The following CDK14 variants were observed in gnomAD, a reference collection of about 807,000 sequenced individuals.
The protein encoded by CDK14 is cyclin-dependent kinase 14.
CDK14 carries 34 observed loss-of-function variants against 60.7 expected under a neutral mutation model. The observed-to-expected ratio is 0.56, with a 90% CI of 0.43 to 0.75. CDK14 has a LOEUF of 0.75. Ranked by LOEUF, CDK14 falls within the 30% of genes least tolerant of loss-of-function variation. The pLI is 0.00. For synonymous variants in CDK14, 197 were observed against 203.7 expected (o/e 0.97, Z 0.28); for missense variants, 482 against 564.1 (o/e 0.85, Z 1.47).
chr7:91,058,149 T>C (rs1797648425), intron 11 of CDK14, among the ~76,000 whole-genome samples: 1 of 152,158 alleles, frequency 6.6e-6, no homozygotes, highest in Non-Finnish European at 1.5e-5. Context: ...TTCCTAGATA[T>C]TTTATTCTCT....
intron 2 of CDK14, among the ~76,000 whole-genome samples, chr7:90,647,789 G>C (rs542144886): frequency 6.6e-6 from 1 of 152,222 alleles, no homozygotes; most frequent in South Asian, 2.1e-4. Flanking sequence ...CCAGGAGTTC[G>C]AGGCTGCAGT....
chr7:91,158,199 A>G (rs985362176), intron 14 of CDK14, among the ~76,000 whole-genome samples: 6 of 148,554 alleles, frequency 4.0e-5, no homozygotes, highest in African/African-American at 1.5e-4. Context: ...TATATATAAT[A>G]TATTATATGT....
chr7:91,130,665 C>A (rs1253640729), intron 14 of CDK14, among the ~76,000 whole-genome samples: 3 of 152,018 alleles, frequency 2.0e-5, no homozygotes, highest in Non-Finnish European at 4.4e-5. Context: ...AGATAAAAAT[C>A]CCTATTCTTG....
chr7:90,849,953 T>A (rs1444197763), intron 5 of CDK14, among the ~76,000 whole-genome samples: 1 of 152,068 alleles, frequency 6.6e-6, no homozygotes, highest in African/African-American at 2.4e-5. Context: ...TAAATGATAC[T>A]TTCAAAGCAA....
chr7:90,684,974 G>C (rs1038602087), intron 2 of CDK14, among the ~76,000 whole-genome samples: 4 of 144,734 alleles, frequency 2.8e-5, no homozygotes, highest in African/African-American at 1.0e-4. Flanking sequence ...ATATGTATAT[G>C]TTTTTATGCA....
At chr7:90,623,100 TTTTA>T (rs1468252333) in intron 2 of CDK14, among the ~76,000 whole-genome samples, 4 of 151,570 alleles carry the variant, frequency 2.6e-5, no homozygotes, top group East Asian at 1.9e-4. Context: ...TAAAAATTCT[TTTTA>T]TTTATTTTAA....
intron 9 of CDK14, among the ~76,000 whole-genome samples, chr7:90,974,692 CATTT>C (rs1278175796): frequency 1.3e-5 from 2 of 151,972 alleles, no homozygotes; most frequent in African/African-American, 4.8e-5. Flanking sequence ...AGTTAATTAC[CATTT>C]AGTTAACAAT....
At chr7:90,622,402 T>C (rs1799790330) in intron 2 of CDK14, among the ~76,000 whole-genome samples, 1 of 152,228 alleles carries the variant, frequency 6.6e-6, no homozygotes, top group Non-Finnish European at 1.5e-5. Flanking sequence ...GAGTTTTCTG[T>C]ACTTTTCTTG....
At chr7:90,668,696 A>AT (rs1554431005) in intron 2 of CDK14, among the ~76,000 whole-genome samples, 11 of 68,426 alleles carry the variant, frequency 1.6e-4, no homozygotes, top group Admixed American at 1.3e-3. Context: ...AAGGACTCGC[A>AT]TTCTTTTTTT....
At chr7:90,691,283 G>T (rs1383050486) in intron 2 of CDK14, among the ~76,000 whole-genome samples, 1 of 147,872 alleles carries the variant, frequency 6.8e-6, no homozygotes, top group Admixed American at 6.9e-5. Flanking sequence ...AAATTTGTTT[G>T]TATGAGGGTG....
chr7:90,890,202 G>A (rs111679102), intron 6 of CDK14, among the ~76,000 whole-genome samples: 4 of 152,280 alleles, frequency 2.6e-5, no homozygotes, highest in Admixed American at 1.3e-4. Flanking sequence ...GTGAGAGTCC[G>A]TTTCTGTAAA....
At chr7:91,185,788 G>T (rs1302836308) in intron 14 of CDK14, among the ~76,000 whole-genome samples, 1 of 151,598 alleles carries the variant, frequency 6.6e-6, no homozygotes, top group East Asian at 1.9e-4. Context: ...AGCAGTTCGG[G>T]GGTTTTTAGT....
At chr7:91,031,572 T>C (rs555145052) in intron 10 of CDK14, among the ~76,000 whole-genome samples, 5 of 152,136 alleles carry the variant, frequency 3.3e-5, no homozygotes, top group Admixed American at 2.0e-4. Context: ...TTACTTCACT[T>C]GGGGGAGGTC....
chr7:91,196,444 G>A (rs1357546211), intron 14 of CDK14, among the ~76,000 whole-genome samples: 4 of 152,198 alleles, frequency 2.6e-5, no homozygotes, highest in African/African-American at 7.2e-5. Context: ...AAAAATAGAT[G>A]TTCAGCAAAT....
chr7:90,720,204 T>C (rs1802396291), intron 2 of CDK14, among the ~76,000 whole-genome samples: 1 of 152,144 alleles, frequency 6.6e-6, no homozygotes, highest in South Asian at 2.1e-4. Flanking sequence ...ATGCAAAATA[T>C]TGGAGCAGAC....
rs555781673 is a variant in CDK14, at chr7:90,720,096, G to A, written c.124-6471G>A. On this transcript the variant is annotated intron_variant, in intron 2 of 14. Transcript: ENST00000380050. ...ATTCGAAGGGAAAAGTACTTTAGGG[G>A]GCTATAAAATGAATATAAGACAGTC... 2.0e-5 allele frequency among the ~76,000 whole-genome samples: 3 copies of A among 152,274 alleles called. No individual in the cohort carries two copies. In the East Asian group the frequency reaches 5.8e-4, roughly 29 times the overall value.
At chr7:90,644,170 A>T (rs2116452179) in intron 2 of CDK14, among the ~76,000 whole-genome samples, 1 of 152,356 alleles carries the variant, frequency 6.6e-6, no homozygotes, top group South Asian at 2.1e-4. Flanking sequence ...CCAGGAACCA[A>T]ACCCTGCTGG....
chr7:90,801,687 T>C (rs928354063), intron 5 of CDK14, among the ~76,000 whole-genome samples: 7 of 152,248 alleles, frequency 4.6e-5, no homozygotes, highest in Admixed American at 2.6e-4. Flanking sequence ...ATATGCCTTT[T>C]ATCCAGGTAT....
chr7:91,118,735 T>C (rs767765024), intron 14 of CDK14, among the ~76,000 whole-genome samples: 1 of 152,210 alleles, frequency 6.6e-6, no homozygotes, highest in African/African-American at 2.4e-5. Flanking sequence ...GACTCCCCAG[T>C]TTAGTTTAGC....
Sources: gnomAD v4.1 joint callset for allele counts (sites outside exome capture counted in the v4.1 genomes callset) on GRCh38, gnomAD v4.1.1 for gene constraint, MANE v1.5 for transcripts, NCBI Gene and HGNC (gene_info 2026-07-23, HGNC 2026-07-21) for gene names.